The following CRHR2 variants were observed in gnomAD, a reference collection of about 807,000 sequenced individuals.
The protein encoded by CRHR2 is corticotropin releasing hormone receptor 2, also known as corticotropin-releasing hormone receptor 2.
In CRHR2, 53 loss-of-function variants were observed where a neutral mutation model predicts 57.9. The ratio of observed to expected loss-of-function variants is 0.92; its 90% CI spans 0.73 to 1.15. The LOEUF (loss-of-function observed/expected upper bound fraction) is 1.15. CRHR2 is among the 50% of genes most tolerant of loss of function. The probability of loss-of-function intolerance (pLI) is 0.00; values close to 1 mark genes in which losing one functional copy is unlikely to be tolerated. For synonymous variants in CRHR2, 213 were observed against 220.9 expected (o/e 0.96, Z 0.32); for missense variants, 532 against 542.6 (o/e 0.98, Z 0.19).
chr7:30,660,466 G>A (rs981891597), intron 8 of CRHR2, 107 bp downstream of exon 8: 2 of 1,143,998 alleles, frequency 1.7e-6, no homozygotes, highest in Non-Finnish European at 2.5e-6. Context: ...TATAGAGTGT[G>A]TGCGCAGGGC....
intron 1 of CRHR2, among the ~76,000 whole-genome samples, chr7:30,690,821 C>T (rs1367921814): frequency 6.6e-6 from 1 of 152,168 alleles, no homozygotes; most frequent in African/African-American, 2.4e-5. Flanking sequence ...ACTCACTGCA[C>T]CTGTGTTCTG....
chr7:30,689,275 G>T, exon 2 of CRHR2: 1 of 1,550,302 alleles, frequency 6.5e-7, no homozygotes, highest in Non-Finnish European at 8.7e-7. Context: ...ATCTGGCTCT[G>T]CCCGGCTGCC....
intron 8 of CRHR2, among the ~76,000 whole-genome samples, chr7:30,657,545 A>G (rs545607787): frequency 6.6e-6 from 1 of 152,354 alleles, no homozygotes; most frequent in African/African-American, 2.4e-5. Flanking sequence ...AATACAAAGT[A>G]TTTGACCTTT....
At chr7:30,681,605 G>A (rs1230003129) in intron 2 of CRHR2, among the ~76,000 whole-genome samples, 1 of 152,226 alleles carries the variant, frequency 6.6e-6, no homozygotes, top group Non-Finnish European at 1.5e-5. Context: ...CAGGCAACGG[G>A]AACCTACAAT....
intron 1 of CRHR2, among the ~76,000 whole-genome samples, chr7:30,698,889 G>A (rs1203577404): frequency 6.6e-6 from 1 of 152,240 alleles, no homozygotes; most frequent in African/African-American, 2.4e-5. Context: ...TGAGGAAACT[G>A]AGGATTTGAG....
At chr7:30,681,569 A>C (rs1784706254) in intron 2 of CRHR2, among the ~76,000 whole-genome samples, 1 of 152,210 alleles carries the variant, frequency 6.6e-6, no homozygotes, top group Non-Finnish European at 1.5e-5. Flanking sequence ...GCATTGTCTA[A>C]ACAATGAAGC....
chr7:30,661,804 A>C (rs1784009714), intron 7 of CRHR2, among the ~76,000 whole-genome samples: 1 of 152,144 alleles, frequency 6.6e-6, no homozygotes, highest in Admixed American at 6.5e-5. Flanking sequence ...ATGCTCATGG[A>C]CAGCTCTGGA....
chr7:30,680,014 G>A (rs748198067), intron 2 of CRHR2, among the ~76,000 whole-genome samples: 2 of 152,138 alleles, frequency 1.3e-5, no homozygotes, highest in Non-Finnish European at 2.9e-5. Flanking sequence ...AGATACCAGG[G>A]GCTAATTGGC....
At chr7:30,660,875 C>A (rs566983286) in intron 7 of CRHR2, among the ~76,000 whole-genome samples, 7 of 152,358 alleles carry the variant, frequency 4.6e-5, no homozygotes, top group African/African-American at 1.7e-4. Context: ...TGAGGACAGG[C>A]CATGGGTCTC....
intron 11 of CRHR2, chr7:30,654,702 T>C: frequency 6.5e-7 from 1 of 1,536,122 alleles, no homozygotes; most frequent in South Asian, 1.2e-5. Context: ...ACAGACCTGA[T>C]TGCTTGGCAC....
intron 7 of CRHR2, among the ~76,000 whole-genome samples, chr7:30,661,249 G>A (rs545943373): frequency 7.2e-5 from 11 of 152,120 alleles, no homozygotes; most frequent in Admixed American, 3.9e-4. Flanking sequence ...GGTCTGGGTC[G>A]GCCAGCAACT....
intron 2 of CRHR2, among the ~76,000 whole-genome samples, chr7:30,670,278 T>C (rs1784317201): frequency 6.6e-6 from 1 of 152,176 alleles, no homozygotes; most frequent in South Asian, 2.1e-4. Context: ...GTTTGAAAAA[T>C]ACAAATTCTG....
At chr7:30,679,244 C>A (rs918421487) in intron 2 of CRHR2, among the ~76,000 whole-genome samples, 3 of 152,242 alleles carry the variant, frequency 2.0e-5, no homozygotes, top group Non-Finnish European at 4.4e-5. Flanking sequence ...AGTCTTCTTT[C>A]CAAACCTCTA....
rs568335320 is a variant in CRHR2, at chr7:30,688,348, C to A, written c.-167+843G>T. Among the ~76,000 whole-genome samples the A allele has an allele frequency of 3.1e-4, 47 of 152,294 alleles. 3 individuals carry two copies. The highest frequency in any genetic ancestry group is 1.1e-3 in the African/African-American group (45 of 41,560). On this transcript the variant is annotated intron_variant, in intron 2 of 13. Coordinates refer to the CRHR2 transcript ENST00000341843. Reference sequence around the variant, plus strand: ...AGCCCCCAGTCTGTGGTGCTTTGTTCCAGTGGCCCCAGGACACTAATACAG... The same window carrying A: ...AGCCCCCAGTCTGTGGTGCTTTGTTACAGTGGCCCCAGGACACTAATACAG...
At chr7:30,667,423 C>T in intron 2 of CRHR2, 110 bp from the exon 3 acceptor site, 1 of 767,054 alleles carries the variant, frequency 1.3e-6, no homozygotes, top group Non-Finnish European at 2.2e-6. Flanking sequence ...TCTCCTAGGG[C>T]AGCAAATACA....
chr7:30,653,732 C>G lies in CRHR2; in HGVS notation c.1096-132G>C, dbSNP rs1012348683. 8.8e-7 allele frequency: 1 copy of G among 1,138,946 alleles called. No individual in the cohort carries two copies. The highest frequency in any genetic ancestry group is 1.2e-6 in the Non-Finnish European group (1 of 830,680). The allele number at this position is 1,138,946 out of a possible 1,614,324, so 70.6% of individuals were successfully genotyped here. On this transcript the variant is annotated intron_variant, in intron 11 of 11. Coordinates refer to ENST00000471646, the MANE Select transcript of CRHR2 (RefSeq NM_001883.5). The surrounding 1 kb of genome is among the most constrained non-coding windows in gnomAD (Gnocchi z 5.0). ...GACAAGGAACTGTCTGCTTCCAAAA[C>G]AGGTCCTTCCCTGATGCTGTTGCCT... is the stretch of plus-strand genomic sequence containing the variant.
intron 2 of CRHR2, among the ~76,000 whole-genome samples, chr7:30,681,448 AC>A (rs1244309905): frequency 6.6e-6 from 1 of 151,030 alleles, no homozygotes; most frequent in Non-Finnish European, 1.5e-5. Flanking sequence ...CCTGCCTCCT[AC>A]CCTCCTCCTC....
At chr7:30,670,142 CAA>C (rs1192749028) in intron 2 of CRHR2, among the ~76,000 whole-genome samples, 2 of 152,090 alleles carry the variant, frequency 1.3e-5, no homozygotes, top group South Asian at 2.1e-4. Context: ...CACACACACA[CAA>C]ACACAGAATC....
intron 2 of CRHR2, 47 bp from the exon 3 acceptor site, chr7:30,667,360 A>G (rs1209387396): frequency 1.9e-6 from 3 of 1,557,174 alleles, no homozygotes; most frequent in Non-Finnish European, 2.7e-6. Context: ...CCCCTCCTCA[A>G]GAACCCTCCC....
Sources: gnomAD v4.1 joint callset for allele counts (sites outside exome capture counted in the v4.1 genomes callset) on GRCh38, gnomAD v4.1.1 for gene constraint, Gnocchi (gnomAD v3.1) non-coding constraint, MANE v1.5 for transcripts, NCBI Gene and HGNC (gene_info 2026-07-23, HGNC 2026-07-21) for gene names.